Variants in ARRB1 observed in about 807,000 individuals in gnomAD.
ARRB1 encodes arrestin beta 1.
ARRB1 carries 21 observed loss-of-function variants against 56.8 expected under a neutral mutation model. The ratio of observed to expected loss-of-function variants is 0.37; its 90% confidence interval spans 0.26 to 0.53. The LOEUF is 0.53. Among genes scored for constraint, ARRB1 ranks in the 20% least tolerant of loss-of-function variants. The pLI is 0.88. For synonymous variants in ARRB1, 210 were observed against 218.6 expected, an observed-to-expected ratio of 0.96 and a Z score of 0.35; for missense variants, 424 against 553.7, an observed-to-expected ratio of 0.77 and a Z score of 2.35.
intron 10 of ARRB1, 112 bp from the exon 11 acceptor site, chr11:75,274,323 C>T: frequency 6.8e-7 from 1 of 1,471,112 alleles, no homozygotes; most frequent in South Asian, 1.3e-5. Flanking sequence ...CTCCCTCTCC[C>T]AACCTCTGTC....
intron 3 of ARRB1, among the ~76,000 whole-genome samples, chr11:75,286,093 G>A (rs1353353909): frequency 6.6e-6 from 1 of 151,950 alleles, no homozygotes; most frequent in East Asian, 1.9e-4. Context: ...CTGGCCCTGG[G>A]AGCCCAGGGT....
intron 1 of ARRB1, among the ~76,000 whole-genome samples, chr11:75,329,051 CAG>C (rs1947480944): frequency 6.6e-6 from 1 of 151,074 alleles, no homozygotes; most frequent in Non-Finnish European, 1.5e-5. Context: ...ACACTAGAAA[CAG>C]CACTTCGCTG....
intron 1 of ARRB1, among the ~76,000 whole-genome samples, chr11:75,300,727 G>A (rs1340022098): frequency 2.6e-5 from 4 of 151,808 alleles, no homozygotes; most frequent in African/African-American, 9.7e-5. Context: ...AGCACTTTGG[G>A]AGGCCGAGGC....
Position 75,285,244 on chromosome 11 carries a change from C to T in ARRB1, c.113-965G>A, listed in dbSNP as rs557499698. ...TGTGTGAATGTGCATATGTGTACAG[C>T]GCTTAGACAGTGCCAAGCACTCGAG... On this transcript the variant is annotated intron_variant, in intron 3 of 15. Transcript: ENST00000420843. Among the ~76,000 whole-genome samples, 9 of 152,286 alleles carry T rather than the reference C, an allele frequency of 5.9e-5. No individual in the cohort carries two copies. The East Asian group carries it at 7.7e-4, about 13-fold the overall frequency.
intron 1 of ARRB1, among the ~76,000 whole-genome samples, chr11:75,346,749 C>T (rs1565150111): frequency 3.3e-5 from 5 of 152,212 alleles, no homozygotes; most frequent in Admixed American, 6.5e-5. Context: ...TGGTGCTCTC[C>T]AAGGCCCTGG....
At chr11:75,346,559 C>T (rs145101792) in intron 1 of ARRB1, among the ~76,000 whole-genome samples, 34 of 152,264 alleles carry the variant, frequency 2.2e-4, no homozygotes, top group African/African-American at 7.7e-4. Flanking sequence ...CCTCTCTGCC[C>T]GCTGTAGCCT....
intron 1 of ARRB1, among the ~76,000 whole-genome samples, chr11:75,299,248 AC>A (rs1386768722): frequency 2.3e-4 from 35 of 151,594 alleles, no homozygotes; most frequent in Admixed American, 2.2e-3. Flanking sequence ...AAAAAAAAAA[AC>A]AACTAAAAAA....
intron 6 of ARRB1, 146 bp from the exon 7 acceptor site, chr11:75,281,288 G>C (rs553374776): frequency 3.8e-6 from 3 of 779,672 alleles, no homozygotes; most frequent in South Asian, 1.7e-5. Flanking sequence ...TGGAAGAAGC[G>C]GGGGAACGCC....
intron 1 of ARRB1, among the ~76,000 whole-genome samples, chr11:75,333,706 T>A (rs1162644912): frequency 6.6e-6 from 1 of 152,174 alleles, no homozygotes; most frequent in Non-Finnish European, 1.5e-5. Context: ...AGAAAGATTA[T>A]GTAACCGTCT....
intron 6 of ARRB1, 163 bp downstream of exon 6, chr11:75,281,799 A>C: frequency 1.5e-6 from 1 of 687,664 alleles, no homozygotes; most frequent in Non-Finnish European, 2.5e-6. Flanking sequence ...CCCTGTCTGA[A>C]GAGAGACTGG....
At chr11:75,343,104 T>G (rs901300288) in intron 1 of ARRB1, among the ~76,000 whole-genome samples, 2 of 152,144 alleles carry the variant, frequency 1.3e-5, no homozygotes, top group African/African-American at 4.8e-5. Context: ...GCGCAGGTGC[T>G]GGGGACAAGC....
At chr11:75,307,083 A>C (rs1947050609) in intron 1 of ARRB1, among the ~76,000 whole-genome samples, 1 of 152,020 alleles carries the variant, frequency 6.6e-6, no homozygotes, top group Non-Finnish European at 1.5e-5. Flanking sequence ...CTTCTATGTC[A>C]CCCTCACTTG....
rs1439942502 is a variant in ARRB1, at chr11:75,264,005, C to A, written c.*2158G>T. On this transcript the variant is annotated 3_prime_UTR_variant, in exon 16 of 16. Transcript: ENST00000420843. ...GAGGGCATATGTTTGCCATGCATTG[C>A]TCCAGCATTTCATCAGCTCTGCGCC... Among the ~76,000 whole-genome samples, 1 of 152,236 alleles carries A rather than the reference C, an allele frequency of 6.6e-6. No homozygotes were observed. Among genetic ancestry groups the A allele is most frequent in the Non-Finnish European group, 1.5e-5 (1 of 68,036 alleles).
At chr11:75,294,407 A>G (rs902739353) in intron 1 of ARRB1, among the ~76,000 whole-genome samples, 6 of 151,868 alleles carry the variant, frequency 4.0e-5, no homozygotes, top group African/African-American at 1.5e-4. Context: ...AAATACAAAA[A>G]TTAGCCGGAC....
chr11:75,274,219 G>GAAAGGA lies in ARRB1; in HGVS notation c.777-14_777-9dup, dbSNP rs773144011. On this transcript the variant is annotated splice_polypyrimidine_tract_variant and intron_variant, in intron 10 of 15. Transcript: ENST00000420843. ...CTGGGTGCCACAGTGTCACTGGGAAGAAAGGAAGCAGCTGTGGAGATGGCC... is the reference window on the plus strand; with the variant it reads ...CTGGGTGCCACAGTGTCACTGGGAAGAAAGGAAAAGGAAGCAGCTGTGGAGATGGCC... 6.2e-7 allele frequency: 1 copy of GAAAGGA among 1,613,878 alleles called. No homozygotes were observed. Among genetic ancestry groups the GAAAGGA allele is most frequent in the East Asian group, 2.2e-5 (1 of 44,856 alleles).
At chr11:75,294,091 T>A (rs1294163286) in intron 1 of ARRB1, among the ~76,000 whole-genome samples, 1 of 152,100 alleles carries the variant, frequency 6.6e-6, no homozygotes, top group Non-Finnish European at 1.5e-5. Context: ...ATTTGATTGG[T>A]CAGCACTGGT....
chr11:75,315,130 C>T (rs1309150244), intron 1 of ARRB1, among the ~76,000 whole-genome samples: 2 of 152,162 alleles, frequency 1.3e-5, no homozygotes, highest in African/African-American at 4.8e-5. Context: ...TTTCATGTTG[C>T]TTGGGCACCC....
At chr11:75,271,385 G>A in intron 13 of ARRB1, 1 of 268,848 alleles carries the variant, frequency 3.7e-6, no homozygotes, top group South Asian at 1.2e-4. Flanking sequence ...TGAAAGCCAT[G>A]AAGTCTGCAT....
chr11:75,287,237 G>A (rs1238903336), intron 3 of ARRB1, 78 bp downstream of exon 3: 2 of 1,459,246 alleles, frequency 1.4e-6, no homozygotes, highest in African/African-American at 1.4e-5. Flanking sequence ...GGCCCCTCTG[G>A]AGAGCTGAGA....
Sources: gnomAD v4.1 joint callset for allele counts (sites outside exome capture counted in the v4.1 genomes callset) on GRCh38, gnomAD v4.1.1 for gene constraint, MANE v1.5 for transcripts, NCBI Gene and HGNC (gene_info 2026-07-23, HGNC 2026-07-21) for gene names.